MYRFL: variants seen among roughly 807,000 people sequenced by gnomAD.
The protein encoded by MYRFL is myelin regulatory factor-like protein.
A neutral mutation model predicts 109.4 loss-of-function variants in MYRFL; 88 were observed. The observed-to-expected ratio is 0.80, with a 90% CI of 0.68 to 0.96. The LOEUF (loss-of-function observed/expected upper bound fraction) is 0.96. MYRFL is among the 40% of genes least tolerant of loss of function. MYRFL has a pLI of 0.00. For synonymous variants in MYRFL, 324 were observed against 320.9 expected (o/e 1.01, Z -0.10); for missense variants, 957 against 954.9 (o/e 1.00, Z -0.03).
At chr12:69,840,321 T>A (rs1445482802) in intron 1 of MYRFL, among the ~76,000 whole-genome samples, 1 of 152,204 alleles carries the variant, frequency 6.6e-6, no homozygotes, top group Non-Finnish European at 1.5e-5. Context: ...AATTTTAGGA[T>A]TTTCTTCAGG....
At chr12:69,904,079 C>T in intron 11 of MYRFL, 1 of 431,048 alleles carries the variant, frequency 2.3e-6, no homozygotes, top group East Asian at 3.5e-5. Flanking sequence ...GCAAAGACAG[C>T]ATGTCATTGG....
At chr12:69,852,525 G>T (rs1883933417) in intron 1 of MYRFL, among the ~76,000 whole-genome samples, 1 of 145,118 alleles carries the variant, frequency 6.9e-6, no homozygotes, top group Non-Finnish European at 1.5e-5. Context: ...TAAATTTTGA[G>T]CTATTTTAAA....
intron 8 of MYRFL, 121 bp downstream of exon 8, chr12:69,893,961 T>A: frequency 9.3e-6 from 2 of 215,324 alleles, no homozygotes; most frequent in East Asian, 1.1e-4. Flanking sequence ...AAATGAAACC[T>A]ACCATAGAAT....
Position 69,912,452 on chromosome 12 carries a change from G to A in MYRFL, c.1602+1522G>A, listed in dbSNP as rs1954600416. On this transcript the variant is annotated intron_variant, in intron 13 of 24. Coordinates refer to ENST00000552032, the MANE Select transcript of MYRFL (RefSeq NM_182530.3). ...ATTGTAAAACAAAAACTCTGTACCTGTAAAACAATAACTCCCCATTATCCA... is the reference window on the plus strand; with the variant it reads ...ATTGTAAAACAAAAACTCTGTACCTATAAAACAATAACTCCCCATTATCCA... Among the ~76,000 whole-genome samples the A allele has an allele frequency of 2.0e-5, 3 of 152,104 alleles. No homozygotes were observed. In the South Asian group the frequency reaches 6.2e-4, roughly 32 times the overall value.
intron 1 of MYRFL, among the ~76,000 whole-genome samples, chr12:69,836,640 C>T (rs1228540352): frequency 6.6e-6 from 1 of 152,136 alleles, no homozygotes; most frequent in Non-Finnish European, 1.5e-5. Flanking sequence ...ATCTATTATC[C>T]ATCCATCTCA....
At chr12:69,895,595 C>T in intron 9 of MYRFL, 114 bp downstream of exon 9, 1 of 704,244 alleles carries the variant, frequency 1.4e-6, no homozygotes, top group Non-Finnish European at 2.4e-6. Flanking sequence ...CACAGGGCCT[C>T]TAAGCCACTT....
intron 5 of MYRFL, among the ~76,000 whole-genome samples, chr12:69,882,692 G>A (rs1886202453): frequency 6.6e-6 from 1 of 151,528 alleles, no homozygotes; most frequent in Non-Finnish European, 1.5e-5. Context: ...GGAAGTGCTG[G>A]TAGGCAGGCT....
chr12:69,915,129 T>C (rs1324898212), intron 13 of MYRFL, among the ~76,000 whole-genome samples: 1 of 152,228 alleles, frequency 6.6e-6, no homozygotes, highest in African/African-American at 2.4e-5. Context: ...GTGGCTCCTC[T>C]TGTCCCATGT....
At chr12:69,874,567 A>G (rs866225193) in intron 2 of MYRFL, among the ~76,000 whole-genome samples, 2 of 152,160 alleles carry the variant, frequency 1.3e-5, no homozygotes, top group African/African-American at 2.4e-5. Flanking sequence ...CATAGTTTCA[A>G]ATTTCCATCT....
In MYRFL at chr12:69,903,764, C is replaced by G. The variant is rs1592793792; in HGVS notation, c.1303C>G (p.Leu435Val). The change falls in exon 11 of 25, where the codon CTG (leucine) becomes GTG (valine). Residue 435 changes from leucine to valine, a missense_variant. Transcript: ENST00000552032. Reference protein sequence around the residue: ...GINTDAPDEALVVCGNMKVMG... With the variant: ...GINTDAPDEAVVVCGNMKVMG... ...CAACACAGATGCGCCGGACGAAGCC[C>G]TGGTTGTCTGTGGCAACATGAAAGT... The G allele has an allele frequency of 2.6e-6, 4 of 1,535,792 alleles. No homozygotes were observed. The East Asian group carries it at 9.8e-5, about 38-fold the overall frequency.
chr12:69,930,813 G>GAAAA (rs61430519), intron 15 of MYRFL, among the ~76,000 whole-genome samples: 6 of 128,382 alleles, frequency 4.7e-5, no homozygotes, highest in Admixed American at 8.0e-5. Flanking sequence ...CCCTATCTAA[G>GAAAA]AAAAAAAAAA....
intron 6 of MYRFL, among the ~76,000 whole-genome samples, chr12:69,888,130 A>G (rs1886569455): frequency 6.6e-6 from 1 of 152,204 alleles, no homozygotes; most frequent in African/African-American, 2.4e-5. Flanking sequence ...AGTTTGTTTG[A>G]ACAGCCTATC....
chr12:69,950,726 C>T (rs1394627703), intron 19 of MYRFL, among the ~76,000 whole-genome samples: 1 of 152,148 alleles, frequency 6.6e-6, no homozygotes, highest in Non-Finnish European at 1.5e-5. Context: ...CAGTGAGTCC[C>T]TTGTCACTGG....
At chr12:69,842,950 CAG>C (rs1470308870) in intron 1 of MYRFL, among the ~76,000 whole-genome samples, 1 of 152,146 alleles carries the variant, frequency 6.6e-6, no homozygotes, top group African/African-American at 2.4e-5. Flanking sequence ...TTTCAGGACA[CAG>C]AATGAACACT....
At chr12:69,869,921 G>T (rs1039142741) in intron 2 of MYRFL, among the ~76,000 whole-genome samples, 7 of 152,254 alleles carry the variant, frequency 4.6e-5, no homozygotes, top group African/African-American at 1.7e-4. Flanking sequence ...CAACTAGCTG[G>T]AGGGCAAAGT....
chr12:69,909,529 C>G (rs568315742), intron 11 of MYRFL, among the ~76,000 whole-genome samples: 1 of 152,152 alleles, frequency 6.6e-6, no homozygotes, highest in East Asian at 1.9e-4. Context: ...GGGCTACCAA[C>G]TTTTTTGTCA....
At chr12:69,878,951 G>C (rs1419927917) in intron 2 of MYRFL, 77 bp from the exon 3 acceptor site, 1 of 701,874 alleles carries the variant, frequency 1.4e-6, no homozygotes, top group Non-Finnish European at 2.6e-6. Context: ...TGTACACTGA[G>C]GGTTGTCTCC....
At chr12:69,936,368 G>A (rs760497512) in intron 18 of MYRFL, 33 bp downstream of exon 18, 21 of 1,533,390 alleles carry the variant, frequency 1.4e-5, no homozygotes, top group Admixed American at 2.0e-5. Context: ...CCTCAAACCC[G>A]GTTTCAAGTG....
At chr12:69,924,505 TC>T (rs1279948540) in intron 13 of MYRFL, among the ~76,000 whole-genome samples, 1 of 152,076 alleles carries the variant, frequency 6.6e-6, no homozygotes, top group Admixed American at 6.5e-5. Flanking sequence ...TATTATCAAT[TC>T]CCCTATTAAT....
Sources: allele counts gnomAD v4.1 joint callset (sites outside exome capture counted in the v4.1 genomes callset), GRCh38; gene constraint gnomAD v4.1.1; transcripts MANE v1.5; gene names NCBI Gene and HGNC (gene_info 2026-07-23, HGNC 2026-07-21).